ZNF780B: variants seen among roughly 807,000 people sequenced by gnomAD.
ZNF780B encodes the protein zinc finger protein 780B.
In ZNF780B, 52 loss-of-function variants were observed where a neutral mutation model predicts 74.1. That is an observed-to-expected ratio of 0.70 (90% confidence interval 0.56 to 0.88). ZNF780B has a LOEUF of 0.88. Among genes scored for constraint, ZNF780B ranks in the 40% least tolerant of loss-of-function variants. The pLI is 0.00. For missense variants in ZNF780B, 953 were observed against 1,007.6 expected (o/e 0.95, Z 0.73); for synonymous variants, 315 against 324.3 (o/e 0.97, Z 0.31).
chr19:40,050,483 C>A (rs1973169284), intron 1 of ZNF780B, 106 bp from the exon 2 acceptor site: 5 of 1,100,048 alleles, frequency 4.5e-6, no homozygotes, highest in East Asian at 2.6e-5. Flanking sequence ...TACTCCTGCT[C>A]ACACGCACAC....
chr19:40,053,197 C>T (rs1310913547), intron 1 of ZNF780B, among the ~76,000 whole-genome samples: 2 of 152,022 alleles, frequency 1.3e-5, no homozygotes, highest in Non-Finnish European at 2.9e-5. Flanking sequence ...GGGTTAATAT[C>T]CAAAACGTGT....
chr19:40,035,641 T>G lies in ZNF780B; in HGVS notation c.1218A>C (p.Gln406His). The G allele has an allele frequency of 6.2e-7, 1 of 1,613,762 alleles. No individual in the cohort carries two copies. The highest frequency in any genetic ancestry group is 8.5e-7 in the Non-Finnish European group (1 of 1,179,952). The stretch of plus-strand genomic sequence containing the variant: ...TTACATCAGCATGAATACTCTGGTG[T>G]TGAATAAGGTTTGAACTACGATTAA... ...KSFNRSSNLI[Q>H]HQSIHADVKP... Residue 406 changes from glutamine to histidine, a missense_variant, in exon 5 of 5, where the codon CAA becomes CAC. Physicochemically the swap from Gln to His is conservative, Grantham distance 24. Coordinates refer to ENST00000434248, the MANE Select transcript of ZNF780B (RefSeq NM_001005851.3).
intron 4 of ZNF780B, among the ~76,000 whole-genome samples, chr19:40,037,404 C>T (rs907662238): frequency 1.3e-5 from 2 of 152,000 alleles, no homozygotes; most frequent in Non-Finnish European, 2.9e-5. Flanking sequence ...TTTCTTTAGT[C>T]TTCCTGCAGT....
intron 4 of ZNF780B, among the ~76,000 whole-genome samples, chr19:40,046,881 C>T (rs1972956365): frequency 6.6e-6 from 1 of 152,158 alleles, no homozygotes; most frequent in South Asian, 2.1e-4. Context: ...AGTGAAAACA[C>T]ATGTAGAAAT....
rs762197979 is a variant in ZNF780B, at chr19:40,034,857, G to A, written c.2002C>T (p.Pro668Ser). 6.2e-7 allele frequency: 1 copy of A among 1,613,980 alleles called. No homozygotes were observed. Among genetic ancestry groups the A allele is most frequent in the South Asian group, 1.1e-5 (1 of 91,062 alleles). Residue 668 changes from proline (P) to serine (S), a missense_variant, in exon 5 of 5, where the codon CCA (proline) becomes TCA (serine). Physicochemically the swap from Pro to Ser is moderately conservative, Grantham distance 74 (BLOSUM62 -1). Transcript: ENST00000434248. ...QHQSIHAGVK[P>S]YECKECGKGF... ...TTCCCACACTCCTTACATTCATATGGTTTTACACCAGCATGAATACTCTGA... is the reference window on the plus strand; with the variant it reads ...TTCCCACACTCCTTACATTCATATGATTTTACACCAGCATGAATACTCTGA...
rs760572028 is a variant in ZNF780B, at chr19:40,035,467, G to A, written c.1392C>T (p.Cys464=). The part of the protein sequence containing the change: ...FRYHYQLIQH[C]QIHTGGKPFE... Reference sequence around the variant, plus strand: ...AGGGTTTCCCACCAGTATGAATTTGGCAATGTTGAATAAGTTGGTAATGAT... The same window carrying A: ...AGGGTTTCCCACCAGTATGAATTTGACAATGTTGAATAAGTTGGTAATGAT... The change falls in exon 5 of 5, where the codon TGC becomes TGT. Residue 464 remains cysteine, a synonymous_variant. Coordinates refer to ENST00000434248, the MANE Select transcript of ZNF780B (RefSeq NM_001005851.3). 8 of 1,613,928 alleles carry A rather than the reference G, an allele frequency of 5.0e-6. No homozygotes were observed. The African/African-American group carries it at 6.7e-5, about 13-fold the overall frequency.
chr19:40,049,737 T>C (rs1376092379), intron 2 of ZNF780B, among the ~76,000 whole-genome samples: 1 of 152,216 alleles, frequency 6.6e-6, no homozygotes, highest in Non-Finnish European at 1.5e-5. Flanking sequence ...ACTCCTCCAC[T>C]GTTCCAACAT....
intron 1 of ZNF780B, among the ~76,000 whole-genome samples, chr19:40,050,943 CA>C (rs1212126262): frequency 2.0e-5 from 3 of 152,114 alleles, no homozygotes; most frequent in African/African-American, 7.2e-5. Flanking sequence ...TAATAGAATA[CA>C]AAGTAATCAT....
chr19:40,042,542 T>C (rs956465556), intron 4 of ZNF780B, among the ~76,000 whole-genome samples: 1 of 152,230 alleles, frequency 6.6e-6, no homozygotes, highest in African/African-American at 2.4e-5. Context: ...GGTACACCAA[T>C]GAGACGTAGA....
In ZNF780B at chr19:40,035,792, A is replaced by T; in HGVS notation, c.1067T>A (p.Met356Lys). The T allele has an allele frequency of 6.2e-7, 1 of 1,613,964 alleles. No homozygotes were observed. The highest frequency in any genetic ancestry group is 8.5e-7 in the Non-Finnish European group (1 of 1,179,994). The change falls in exon 5 of 5, where the codon ATG (methionine) becomes AAG (lysine). Residue 356 changes from methionine to lysine, a missense_variant. Coordinates refer to ENST00000434248, the MANE Select transcript of ZNF780B (RefSeq NM_001005851.3). Reference protein sequence around the residue: ...TKLVRHQKIHMGEKPFECREC... With the variant: ...TKLVRHQKIHKGEKPFECREC... ...CCTGCATTCAAAGGGCTTCTCACCCATATGAATCTTCTGATGTCGAACAAG... is the reference window on the plus strand; with the variant it reads ...CCTGCATTCAAAGGGCTTCTCACCCTTATGAATCTTCTGATGTCGAACAAG...
At chr19:40,041,478 G>A (rs577878515) in intron 4 of ZNF780B, among the ~76,000 whole-genome samples, 7 of 152,198 alleles carry the variant, frequency 4.6e-5, no homozygotes, top group African/African-American at 1.2e-4. Context: ...TTTCTGTCTC[G>A]TTGATCTGTC....
chr19:40,042,217 T>A (rs2144766037), intron 4 of ZNF780B, among the ~76,000 whole-genome samples: 2 of 152,282 alleles, frequency 1.3e-5, no homozygotes, highest in Middle Eastern at 6.8e-3. Flanking sequence ...TTCAAGAATG[T>A]TGAATATTGG....
rs1972034947 is a variant in ZNF780B at position 40,032,267 on chromosome 19, ACTAGGG to A, written c.*2084_*2089del. On this transcript the variant is annotated 3_prime_UTR_variant, in exon 5 of 5. Transcript: ENST00000434248. ...AAAAAACAGAGGCCCAGGCTTATAA[ACTAGGG>A]CTACACTTCTGTAGGTTTACTAAGT... 1 of 362,220 alleles carries A rather than the reference ACTAGGG, an allele frequency of 2.8e-6. No individual in the cohort carries two copies. The highest frequency in any genetic ancestry group is 2.2e-5 in the South Asian group (1 of 45,722). 22.4% of individuals were successfully genotyped at this position (362,220 alleles called of 1,614,324 possible). A position where few individuals can be genotyped will look rare whatever the true frequency, so the allele number is the denominator to read the frequency against.
intron 4 of ZNF780B, 105 bp from the exon 5 acceptor site, chr19:40,036,731 G>T: frequency 1.5e-6 from 1 of 687,406 alleles, no homozygotes; most frequent in Non-Finnish European, 2.3e-6. Context: ...TACTTTCAGG[G>T]AAGGGATCTG....
rs1477644433 is a variant in ZNF780B, at chr19:40,028,963, T to C, written c.*5394A>G. On this transcript the variant is annotated 3_prime_UTR_variant, in exon 5 of 5. Transcript: ENST00000434248. ...GGAGAAATAACTGCAGTCCTTATTC[T>C]AGATAGTCACAGCCAACTATCAATA... 3 of 152,248 alleles carry C rather than the reference T, an allele frequency of 2.0e-5. No individual in the cohort carries two copies. Among genetic ancestry groups the C allele is most frequent in the Admixed American group, 1.3e-4 (2 of 15,280 alleles). 9.4% of individuals were successfully genotyped at this position (152,248 alleles called of 1,614,324 possible). A position where few individuals can be genotyped will look rare whatever the true frequency, so the allele number is the denominator to read the frequency against.
chr19:40,040,565 T>C (rs868172746), intron 4 of ZNF780B, among the ~76,000 whole-genome samples: 13 of 152,230 alleles, frequency 8.5e-5, no homozygotes, highest in Non-Finnish European at 1.2e-4. Flanking sequence ...TGGTAAGCTA[T>C]TGATTATTGC....
In ZNF780B at chr19:40,035,360, G is replaced by T. The variant is rs764133038; in HGVS notation, c.1499C>A (p.Pro500Gln). 2 of 1,614,130 alleles carry T rather than the reference G, an allele frequency of 1.2e-6. No homozygotes were observed. The highest frequency in any genetic ancestry group is 2.2e-5 in the East Asian group (1 of 44,884). The change falls in exon 5 of 5, where the codon CCA (proline) becomes CAA (glutamine). Residue 500 changes from proline to glutamine, a missense_variant. Physicochemically the swap from Pro to Gln is moderately conservative, Grantham distance 76. Transcript: ENST00000434248. ...CTTCCCACAGTCTTTACATTCAAAT[G>T]GTTTCTCACCAGTATGAATGTTCTT... ...RHKNIHTGEK[P>Q]FECKDCGKAF... is the part of the protein sequence containing the mutation.
chr19:40,028,682 A>G lies in ZNF780B; in HGVS notation c.*5675T>C, dbSNP rs527806063. On this transcript the variant is annotated 3_prime_UTR_variant, in exon 5 of 5. Coordinates refer to ENST00000434248, the MANE Select transcript of ZNF780B (RefSeq NM_001005851.3). Reference sequence around the variant, plus strand: ...TATAATAAAAGTTAATTTCTCTGTCATATAATATGGATGTAAGCCTGATAC... The same window carrying G: ...TATAATAAAAGTTAATTTCTCTGTCGTATAATATGGATGTAAGCCTGATAC... 2.4e-4 allele frequency: 37 copies of G among 152,342 alleles called. No homozygotes were observed. Among genetic ancestry groups the G allele is most frequent in the African/African-American group, 8.9e-4 (37 of 41,586 alleles). The allele number at this position is 152,342 out of a possible 1,614,324, so 9.4% of individuals were successfully genotyped here.
rs1971946427 is a variant in ZNF780B at position 40,029,114 on chromosome 19, A to C, written c.*5243T>G. ...ATTTTGATCAATTACAAATGAAGAC[A>C]GTGAATCCCTGAGACCACAACTTGT... is the stretch of plus-strand genomic sequence containing the variant. On this transcript the variant is annotated 3_prime_UTR_variant, in exon 5 of 5. Transcript: ENST00000434248. 1.3e-5 allele frequency: 2 copies of C among 152,242 alleles called. No individual in the cohort carries two copies. Among genetic ancestry groups the C allele is most frequent in the South Asian group, 4.1e-4 (2 of 4,828 alleles). 9.4% of individuals were successfully genotyped at this position (152,242 alleles called of 1,614,324 possible). A position where few individuals can be genotyped will look rare whatever the true frequency, so the allele number is the denominator to read the frequency against.
Sources: allele counts gnomAD v4.1 joint callset (sites outside exome capture counted in the v4.1 genomes callset), GRCh38; gene constraint gnomAD v4.1.1; transcripts MANE v1.5; gene names NCBI Gene and HGNC (gene_info 2026-07-23, HGNC 2026-07-21).